Variants in ITGA2 observed in about 807,000 individuals in gnomAD.
ITGA2 encodes the protein integrin subunit alpha 2, also known as integrin alpha-2.
In ITGA2, 101 loss-of-function variants were observed where a neutral mutation model predicts 146.3. The observed-to-expected ratio is 0.69, with a 90% CI of 0.59 to 0.81. The LOEUF is 0.81. Among genes scored for constraint, ITGA2 ranks in the 40% least tolerant of loss-of-function variants. ITGA2 has a pLI of 0.00. For synonymous variants in ITGA2, 477 were observed against 487.1 expected, an observed-to-expected ratio of 0.98 and a Z score of 0.27; for missense variants, 1,281 against 1,402.7, an observed-to-expected ratio of 0.91 and a Z score of 1.39.
chr5:53,028,569 T>C (rs1033381991), intron 2 of ITGA2, among the ~76,000 whole-genome samples: 2 of 152,216 alleles, frequency 1.3e-5, no homozygotes, highest in South Asian at 2.1e-4. Flanking sequence ...ATCTAGCAGA[T>C]GAAGTAGCTA....
intron 6 of ITGA2, among the ~76,000 whole-genome samples, chr5:53,049,954 T>A (rs939043801): frequency 6.6e-6 from 1 of 152,224 alleles, no homozygotes; most frequent in African/African-American, 2.4e-5. Flanking sequence ...GTTTCTCCCA[T>A]TGAAATTGCT....
In ITGA2 at chr5:52,989,531, A is replaced by G. The variant is rs568263239; in HGVS notation, c.63A>G (p.Gln21=). The G allele has an allele frequency of 8.7e-6, 14 of 1,613,362 alleles. No homozygotes were observed. In the East Asian group the frequency reaches 8.9e-5, roughly 10 times the overall value. Residue 21 remains glutamine (Q), a splice_region_variant and synonymous_variant, in exon 1 of 30, where the codon CAA becomes CAG. Transcript: ENST00000296585. ...LPLLLVLALS[Q]GILNCCLAYN... ...TGCTGCTGGTGTTAGCGCTCAGTCA[A>G]GGTAAGCGGGGATTTCGCTCTGCAT... is the stretch of plus-strand genomic sequence containing the variant.
At chr5:53,012,710 T>A (rs1742198766) in intron 1 of ITGA2, among the ~76,000 whole-genome samples, 1 of 152,180 alleles carries the variant, frequency 6.6e-6, no homozygotes, top group Non-Finnish European at 1.5e-5. Flanking sequence ...TAATTTACGT[T>A]CCCACCAGCA....
intron 5 of ITGA2, 75 bp from the exon 6 acceptor site, chr5:53,048,565 CCTT>C: frequency 6.2e-7 from 1 of 1,611,400 alleles, no homozygotes; most frequent in Admixed American, 1.7e-5. Flanking sequence ...CCCAAACCCT[CCTT>C]AAGTCTCATT....
intron 1 of ITGA2, among the ~76,000 whole-genome samples, chr5:53,004,424 A>T (rs951825237): frequency 2.6e-5 from 4 of 151,880 alleles, no homozygotes. Context: ...AATATTATTT[A>T]AAAAAAAATC....
intron 1 of ITGA2, among the ~76,000 whole-genome samples, chr5:53,015,222 T>A (rs1443769114): frequency 1.3e-5 from 2 of 152,206 alleles, no homozygotes; most frequent in Non-Finnish European, 2.9e-5. Flanking sequence ...AACTTTTTCA[T>A]GTGTATGTTT....
At chr5:53,061,947 A>T (rs1032159199) in intron 12 of ITGA2, among the ~76,000 whole-genome samples, 5 of 151,860 alleles carry the variant, frequency 3.3e-5, no homozygotes, top group African/African-American at 1.2e-4. Context: ...TTAATATTTT[A>T]AAGAAGTTCT....
intron 19 of ITGA2, 105 bp downstream of exon 19, chr5:53,072,800 C>G: frequency 1.0e-6 from 1 of 973,242 alleles, no homozygotes; most frequent in South Asian, 1.4e-5. Context: ...AAGAAACATT[C>G]ATAACTCATA....
At chr5:53,026,131 A>G (rs532941347) in intron 1 of ITGA2, among the ~76,000 whole-genome samples, 39 of 152,298 alleles carry the variant, frequency 2.6e-4, no homozygotes, top group African/African-American at 8.4e-4. Flanking sequence ...CTACATTTTC[A>G]TCCTCAAAAA....
rs1389646529 is a variant in ITGA2, at chr5:53,091,710, T to C, written c.*1111T>C. On this transcript the variant is annotated 3_prime_UTR_variant, in exon 30 of 30. Coordinates refer to ENST00000296585, the MANE Select transcript of ITGA2 (RefSeq NM_002203.4). ...AGGGGGGAAAGTCATCTGTTTAATT[T>C]ACACACTTGCATGAATTACTGTATA... is the stretch of plus-strand genomic sequence containing the variant. 6.6e-6 allele frequency: 1 copy of C among 152,256 alleles called. No individual in the cohort carries two copies. The highest frequency in any genetic ancestry group is 6.5e-5 in the Admixed American group (1 of 15,286). 9.4% of individuals were successfully genotyped at this position (152,256 alleles called of 1,614,324 possible).
At chr5:53,019,393 C>T (rs1677825111) in intron 1 of ITGA2, among the ~76,000 whole-genome samples, 1 of 152,196 alleles carries the variant, frequency 6.6e-6, no homozygotes, top group Non-Finnish European at 1.5e-5. Flanking sequence ...CAAAATCTCA[C>T]TCCATCCTGC....
At position 53,091,695 on chromosome 5, in the gene ITGA2, G is replaced by A. The variant is rs1740429468; in HGVS notation, c.*1096G>A. The A allele has an allele frequency of 6.6e-6, 1 of 152,176 alleles. No homozygotes were observed. Among genetic ancestry groups the A allele is most frequent in the Non-Finnish European group, 1.5e-5 (1 of 68,034 alleles). 9.4% of individuals were successfully genotyped at this position (152,176 alleles called of 1,614,324 possible). ...TGTGCATTAGATATTAGGGGGGAAA[G>A]TCATCTGTTTAATTTACACACTTGC... is the stretch of plus-strand genomic sequence containing the variant. On this transcript the variant is annotated 3_prime_UTR_variant, in exon 30 of 30. Transcript: ENST00000296585.
chr5:53,018,005 G>A lies in ITGA2; in HGVS notation c.65-8743G>A, dbSNP rs1024264936. ...GCCCTCTGATGGCCAGGCATGGTCT[G>A]TCAGTGCAGGAGCTCTGATGAGGTG... is the stretch of plus-strand genomic sequence containing the variant. On this transcript the variant is annotated intron_variant, in intron 1 of 29. Transcript: ENST00000296585. 3.9e-5 allele frequency among the ~76,000 whole-genome samples: 6 copies of A among 152,090 alleles called. No homozygotes were observed. In the East Asian group the frequency reaches 1.2e-3, roughly 29 times the overall value.
intron 7 of ITGA2, among the ~76,000 whole-genome samples, chr5:53,055,049 C>T (rs1251120583): frequency 2.0e-5 from 3 of 152,040 alleles, no homozygotes; most frequent in Non-Finnish European, 4.4e-5. Flanking sequence ...ATGCAAGAAA[C>T]TGATAATGGT....
intron 16 of ITGA2, among the ~76,000 whole-genome samples, chr5:53,067,656 G>A (rs1745207489): frequency 6.6e-6 from 1 of 151,896 alleles, no homozygotes; most frequent in African/African-American, 2.4e-5. Flanking sequence ...AAAGTATCAA[G>A]TATTTTTCCT....
rs563827258 is a variant in ITGA2, at chr5:53,011,628, ATATAAG to A, written c.65-15114_65-15109del. 5.3e-4 allele frequency among the ~76,000 whole-genome samples: 80 copies of A among 152,284 alleles called. 1 individual carries two copies. In the East Asian group the frequency reaches 0.012, roughly 22 times the overall value. Reference sequence around the variant, plus strand: ...TACACAAAGATAGTTTCTCTCTAAAATATAAGTATAAAATATTTTCCCCATTAAATA... The same window carrying A: ...TACACAAAGATAGTTTCTCTCTAAAATATAAAATATTTTCCCCATTAAATA... On this transcript the variant is annotated intron_variant, in intron 1 of 29. Coordinates refer to ENST00000296585, the MANE Select transcript of ITGA2 (RefSeq NM_002203.4).
chr5:53,018,279 C>T (rs1742496983), intron 1 of ITGA2, among the ~76,000 whole-genome samples: 1 of 152,136 alleles, frequency 6.6e-6, no homozygotes, highest in African/African-American at 2.4e-5. Flanking sequence ...CCTCTGGGCT[C>T]CCCACTGGCT....
At chr5:53,024,541 A>G (rs1394936089) in intron 1 of ITGA2, among the ~76,000 whole-genome samples, 1 of 152,236 alleles carries the variant, frequency 6.6e-6, no homozygotes, top group Non-Finnish European at 1.5e-5. Context: ...AGGCACAGAC[A>G]AAAGAATATG....
At chr5:53,060,237 T>G (rs1000643218) in intron 11 of ITGA2, among the ~76,000 whole-genome samples, 2 of 151,958 alleles carry the variant, frequency 1.3e-5, no homozygotes, top group African/African-American at 4.8e-5. Context: ...GTCAAGTGGT[T>G]GTAATTCCTG....
Sources: gnomAD v4.1 joint callset for allele counts (sites outside exome capture counted in the v4.1 genomes callset) on GRCh38, gnomAD v4.1.1 for gene constraint, MANE v1.5 for transcripts, NCBI Gene and HGNC (gene_info 2026-07-23, HGNC 2026-07-21) for gene names.